CNTN1: variants seen among roughly 807,000 people sequenced by gnomAD.
CNTN1 encodes the protein contactin-1.
In CNTN1, 38 loss-of-function variants were observed where a neutral mutation model predicts 126.4. The observed-to-expected ratio is 0.30, with a 90% CI of 0.23 to 0.39. The LOEUF is 0.39. Among genes scored for constraint, CNTN1 ranks in the 10% least tolerant of loss-of-function variants. The pLI is 1.00. For synonymous variants in CNTN1, 413 were observed against 422.6 expected, an observed-to-expected ratio of 0.98 and a Z score of 0.28; for missense variants, 1,009 against 1,248.4, an observed-to-expected ratio of 0.81 and a Z score of 2.89.
chr12:40,951,390 A>G (rs1946672890), intron 14 of CNTN1, among the ~76,000 whole-genome samples: 1 of 152,094 alleles, frequency 6.6e-6, no homozygotes, highest in African/African-American at 2.4e-5. Context: ...ATTTTTTTGT[A>G]TGTCCAATGA....
At chr12:40,847,093 C>G (rs1942538037) in intron 1 of CNTN1, among the ~76,000 whole-genome samples, 1 of 152,116 alleles carries the variant, frequency 6.6e-6, no homozygotes, top group African/African-American at 2.4e-5. Context: ...GTCTCGAACT[C>G]CTGACTTCGT....
At chr12:40,879,486 G>A (rs1425847875) in intron 1 of CNTN1, among the ~76,000 whole-genome samples, 4 of 152,060 alleles carry the variant, frequency 2.6e-5, no homozygotes, top group African/African-American at 9.7e-5. Flanking sequence ...AACCAAGAAT[G>A]TTCTCCTTCT....
chr12:40,961,420 G>GT (rs1273316363), intron 15 of CNTN1, among the ~76,000 whole-genome samples: 1 of 151,932 alleles, frequency 6.6e-6, no homozygotes, highest in African/African-American at 2.4e-5. Context: ...CAATTAAACA[G>GT]TTGTTTTTAT....
chr12:40,705,737 T>G (rs1256635017), intron 1 of CNTN1, among the ~76,000 whole-genome samples: 1 of 152,168 alleles, frequency 6.6e-6, no homozygotes, highest in Non-Finnish European at 1.5e-5. Context: ...GAAAAGAGGT[T>G]TAATTGACCC....
At chr12:41,027,137 A>G (rs1379841486) in intron 21 of CNTN1, among the ~76,000 whole-genome samples, 3 of 152,168 alleles carry the variant, frequency 2.0e-5, no homozygotes, top group Admixed American at 1.3e-4. Context: ...ATTTGATTAT[A>G]TTACATTTGA....
chr12:40,983,084 G>T (rs1212347456), intron 16 of CNTN1, among the ~76,000 whole-genome samples: 1 of 152,036 alleles, frequency 6.6e-6, no homozygotes, highest in Non-Finnish European at 1.5e-5. Flanking sequence ...AGAACTTAAA[G>T]TATAATAAAA....
intron 23 of CNTN1, among the ~76,000 whole-genome samples, chr12:41,032,072 CA>C (rs1949155759): frequency 6.6e-6 from 1 of 152,122 alleles, no homozygotes; most frequent in Admixed American, 6.5e-5. Context: ...TAAATGCCTA[CA>C]ATACAGCAAT....
intron 15 of CNTN1, among the ~76,000 whole-genome samples, chr12:40,972,979 C>G (rs1315708632): frequency 6.6e-6 from 1 of 152,034 alleles, no homozygotes; most frequent in Non-Finnish European, 1.5e-5. Flanking sequence ...ATTAACTCAT[C>G]ATTTAGCATT....
chr12:40,730,904 G>A (rs901815120), intron 1 of CNTN1, among the ~76,000 whole-genome samples: 6 of 152,018 alleles, frequency 3.9e-5, no homozygotes, highest in Admixed American at 2.0e-4. Context: ...GCCTTGCAAT[G>A]TAAACGTTAA....
At chr12:40,922,476 T>C (rs1011597162) in intron 5 of CNTN1, 48 bp downstream of exon 5, 8 of 1,557,136 alleles carry the variant, frequency 5.1e-6, no homozygotes, top group Admixed American at 1.7e-5. Flanking sequence ...TTTAGGTGAG[T>C]TCAGCAAGAA....
chr12:40,726,763 G>T (rs1049543125), intron 1 of CNTN1, among the ~76,000 whole-genome samples: 3 of 151,700 alleles, frequency 2.0e-5, no homozygotes, highest in Middle Eastern at 3.5e-3. Flanking sequence ...AAACTCTGTT[G>T]GAATAGAAAT....
chr12:40,798,612 C>A (rs554667426), intron 1 of CNTN1, among the ~76,000 whole-genome samples: 4 of 151,922 alleles, frequency 2.6e-5, no homozygotes, highest in African/African-American at 9.6e-5. Flanking sequence ...AACTGGAGGC[C>A]GTTATCCTTA....
chr12:41,026,232 G>A (rs559600568), intron 21 of CNTN1, among the ~76,000 whole-genome samples: 3 of 152,252 alleles, frequency 2.0e-5, no homozygotes, highest in African/African-American at 7.2e-5. Flanking sequence ...TGTGTGCTCA[G>A]CACTATTCTT....
chr12:41,002,700 G>T (rs1195340468), intron 17 of CNTN1, among the ~76,000 whole-genome samples: 1 of 151,800 alleles, frequency 6.6e-6, no homozygotes, highest in South Asian at 2.1e-4. Context: ...TGGGACCACA[G>T]GTGCCTACCA....
intron 3 of CNTN1, among the ~76,000 whole-genome samples, chr12:40,915,371 C>T (rs1178132424): frequency 6.6e-6 from 1 of 152,050 alleles, no homozygotes; most frequent in Admixed American, 6.6e-5. Flanking sequence ...GAATTCTGGA[C>T]GATGACCCTC....
intron 1 of CNTN1, among the ~76,000 whole-genome samples, chr12:40,893,989 C>G (rs10879335): frequency 0.54 from 82,669 of 151,860 alleles, 23,143 homozygotes; most frequent in African/African-American, 0.67. Context: ...TAGCAACATC[C>G]TTACACTCTA....
chr12:40,928,598 C>A (rs1372021838), intron 6 of CNTN1, among the ~76,000 whole-genome samples: 1 of 151,986 alleles, frequency 6.6e-6, no homozygotes, highest in Non-Finnish European at 1.5e-5. Flanking sequence ...GCTGCTGCTT[C>A]TATAATTTGA....
At chr12:40,804,736 TA>T (rs1338197778) in intron 1 of CNTN1, among the ~76,000 whole-genome samples, 4 of 152,066 alleles carry the variant, frequency 2.6e-5, no homozygotes, top group Admixed American at 6.6e-5. Flanking sequence ...GAGCTCTTTA[TA>T]TTTTTTTAAT....
At chr12:41,043,460 C>T (rs1223104731) in intron 23 of CNTN1, among the ~76,000 whole-genome samples, 2 of 152,170 alleles carry the variant, frequency 1.3e-5, no homozygotes, top group East Asian at 3.8e-4. Context: ...TACCATCTTA[C>T]ACCAGTTAGA....
Sources: gnomAD v4.1 joint callset for allele counts (sites outside exome capture counted in the v4.1 genomes callset) on GRCh38, gnomAD v4.1.1 for gene constraint, MANE v1.5 for transcripts, NCBI Gene and HGNC (gene_info 2026-07-23, HGNC 2026-07-21) for gene names.